NUDT7: variants seen among roughly 807,000 people sequenced by gnomAD.
NUDT7 encodes the protein peroxisomal coenzyme A diphosphatase NUDT7.
A neutral mutation model predicts 13.1 loss-of-function variants in NUDT7; 19 were observed. The observed-to-expected ratio is 1.45, with a 90% CI of 1.01 to 2.13. NUDT7 has a LOEUF of 2.13. Among genes scored for constraint, NUDT7 ranks in the 30% most tolerant of loss-of-function variants. The pLI, the probability that NUDT7 is intolerant of heterozygous loss-of-function variation, is 0.00. For missense variants in NUDT7, 360 were observed against 291.7 expected (o/e 1.23, Z -1.71); for synonymous variants, 132 against 109.7 (o/e 1.20, Z -1.27).
chr16:77,730,924 T>A (rs548068018), intron 2 of NUDT7, among the ~76,000 whole-genome samples: 1 of 146,550 alleles, frequency 6.8e-6, no homozygotes, highest in Admixed American at 6.9e-5. Flanking sequence ...TGTCCATTTT[T>A]AAATTTTTTT....
chr16:77,739,934 G>A (rs1049793001), intron 3 of NUDT7, among the ~76,000 whole-genome samples: 7 of 152,012 alleles, frequency 4.6e-5, no homozygotes, highest in Non-Finnish European at 1.0e-4. Context: ...AACACCCCAT[G>A]GTGCCCTTGC....
At chr16:77,737,076 G>T (rs775213044) in intron 3 of NUDT7, among the ~76,000 whole-genome samples, 1 of 152,080 alleles carries the variant, frequency 6.6e-6, no homozygotes, top group Non-Finnish European at 1.5e-5. Flanking sequence ...CATAGACCTA[G>T]TTTCCCCTGT....
chr16:77,742,239 TAAAG>T lies in NUDT7; in HGVS notation c.*291_*294del, dbSNP rs966150763. 7.0e-6 allele frequency: 5 copies of T among 711,058 alleles called. No individual in the cohort carries two copies. In the African/African-American group the frequency reaches 9.3e-5, roughly 13 times the overall value. The allele number at this position is 711,058 out of a possible 1,614,324, so 44.0% of individuals were successfully genotyped here. A position where few individuals can be genotyped will look rare whatever the true frequency, so the allele number is the denominator to read the frequency against. On this transcript the variant is annotated 3_prime_UTR_variant, in exon 4 of 4. Coordinates refer to ENST00000268533, the MANE Select transcript of NUDT7 (RefSeq NM_001105663.3). Reference sequence around the variant, plus strand: ...TATCTGGCACATACTAGGCCCTTAATAAAGATTTTTTGAATATATAACCATGTGG... The same window carrying T: ...TATCTGGCACATACTAGGCCCTTAATATTTTTTGAATATATAACCATGTGG...
At chr16:77,734,084 A>G (rs2014401556) in intron 2 of NUDT7, among the ~76,000 whole-genome samples, 1 of 152,000 alleles carries the variant, frequency 6.6e-6, no homozygotes, top group Non-Finnish European at 1.5e-5. Context: ...GAAAGAGGAG[A>G]CCTCTTTTCC....
chr16:77,727,612 T>C (rs978992909), intron 2 of NUDT7, among the ~76,000 whole-genome samples: 1 of 152,204 alleles, frequency 6.6e-6, no homozygotes, highest in Admixed American at 6.5e-5. Flanking sequence ...CCCAGCACTT[T>C]GGGAGGCTGA....
chr16:77,740,103 G>T (rs2014611619), intron 3 of NUDT7, among the ~76,000 whole-genome samples: 1 of 152,110 alleles, frequency 6.6e-6, no homozygotes, highest in African/African-American at 2.4e-5. Flanking sequence ...GCCAGGTGTG[G>T]TGTTACGTGC....
At chr16:77,741,460 C>A in intron 3 of NUDT7, 122 bp from the exon 4 acceptor site, 1 of 1,022,498 alleles carries the variant, frequency 9.8e-7, no homozygotes, top group Non-Finnish European at 1.4e-6. Flanking sequence ...CCGGAATAAG[C>A]TTTCTTCCCC....
Position 77,735,818 on chromosome 16 carries a change from C to T in NUDT7, c.190-10C>T. ...ATCCCACATTGTAGCGCTGTTCTTT[C>T]TATATCCAGCTAAGAAGGGCCCCTG... On this transcript the variant is annotated splice_polypyrimidine_tract_variant and intron_variant, in intron 2 of 3. Transcript: ENST00000268533. 1 of 1,611,376 alleles carries T rather than the reference C, an allele frequency of 6.2e-7. No homozygotes were observed. Among genetic ancestry groups the T allele is most frequent in the East Asian group, 2.2e-5 (1 of 44,804 alleles).
chr16:77,732,829 T>A (rs1202114152), intron 2 of NUDT7, among the ~76,000 whole-genome samples: 1 of 151,062 alleles, frequency 6.6e-6, no homozygotes, highest in Non-Finnish European at 1.5e-5. Context: ...TCAGGTCTGT[T>A]TCTGTCAAGC....
At chr16:77,723,274 C>T (rs1428052478) in intron 1 of NUDT7, among the ~76,000 whole-genome samples, 4 of 152,154 alleles carry the variant, frequency 2.6e-5, no homozygotes, top group Non-Finnish European at 1.5e-5. Context: ...GGCTGGCCTG[C>T]GTGCATCCAG....
intron 3 of NUDT7, among the ~76,000 whole-genome samples, chr16:77,737,754 G>A (rs76425982): frequency 0.015 from 2,337 of 152,242 alleles, 57 homozygotes; most frequent in African/African-American, 0.053. Context: ...CAAAGTGCTC[G>A]GACTATAGAC....
Position 77,742,164 on chromosome 16 carries a change from T to A in NUDT7, c.*214T>A, listed in dbSNP as rs925870606. ...AAACTATGTTCATAGTGTTGCATAT[T>A]TTCACCCACAATATGTTAATAATAT... On this transcript the variant is annotated 3_prime_UTR_variant, in exon 4 of 4. Transcript: ENST00000268533. 6.8e-6 allele frequency: 8 copies of A among 1,169,432 alleles called. No individual in the cohort carries two copies. In the East Asian group the frequency reaches 1.8e-4, roughly 26 times the overall value. 72.4% of individuals were successfully genotyped at this position (1,169,432 alleles called of 1,614,324 possible). A position where few individuals can be genotyped will look rare whatever the true frequency, so the allele number is the denominator to read the frequency against.
At position 77,722,543 on chromosome 16, in the gene NUDT7, C is replaced by T. The variant is rs947873302; in HGVS notation, c.-40C>T. On this transcript the variant is annotated 5_prime_UTR_variant, in exon 1 of 4. Transcript: ENST00000268533. The stretch of plus-strand genomic sequence containing the variant: ...TGCGCAAGCGCGACCGACCGAGCAG[C>T]TCCGAGGAGTCCGCCCGGAAACAAA... The T allele has an allele frequency of 4.5e-6, 7 of 1,559,260 alleles. No individual in the cohort carries two copies. The highest frequency in any genetic ancestry group is 1.7e-4 in the Middle Eastern group (1 of 5,766).
chr16:77,731,165 A>G (rs1567428945), intron 2 of NUDT7, among the ~76,000 whole-genome samples: 1 of 152,120 alleles, frequency 6.6e-6, no homozygotes, highest in African/African-American at 2.4e-5. Context: ...GCTCAAGGAT[A>G]ACATTTTCTT....
chr16:77,741,855 C>A lies in NUDT7; in HGVS notation c.622C>A (p.Pro208Thr), dbSNP rs775394080. Residue 208 changes from proline to threonine, a missense_variant, in exon 4 of 4, where the codon CCC (proline) becomes ACC (threonine). Transcript: ENST00000268533. The part of the protein sequence containing the change: ...LVAFIILEKK[P>T]TFEVQFNLND... ...GGCCTTTATCATTTTGGAAAAAAAA[C>A]CCACCTTTGAGGTTCAATTTAATCT... The A allele has an allele frequency of 1.2e-6, 2 of 1,613,744 alleles. No individual in the cohort carries two copies. The highest frequency in any genetic ancestry group is 2.7e-5 in the African/African-American group (2 of 74,890).
At chr16:77,722,741 C>G (rs2013998452) in intron 1 of NUDT7, 124 bp downstream of exon 1, 1 of 899,282 alleles carries the variant, frequency 1.1e-6, no homozygotes, top group South Asian at 1.5e-5. Context: ...CCTGCGAGCG[C>G]CGGATGGGGG....
chr16:77,726,687 C>G (rs900189700), intron 2 of NUDT7, among the ~76,000 whole-genome samples: 9 of 152,124 alleles, frequency 5.9e-5, no homozygotes, highest in Admixed American at 3.3e-4. Flanking sequence ...ATCCCAGCTA[C>G]TCAGGAGGCT....
At chr16:77,739,629 A>C (rs1358364075) in intron 3 of NUDT7, among the ~76,000 whole-genome samples, 1 of 151,756 alleles carries the variant, frequency 6.6e-6, no homozygotes, top group Non-Finnish European at 1.5e-5. Context: ...GCATGCCCTA[A>C]CCTCCTGGGA....
Position 77,725,517 on chromosome 16 carries a change from C to T in NUDT7, c.122C>T (p.Ser41Phe), listed in dbSNP as rs1347884571. The change falls in exon 2 of 4, where the codon TCC becomes TTC. Residue 41 changes from serine (S) to phenylalanine (F), a missense_variant. Ser to Phe is a radical substitution (Grantham distance 155). Coordinates refer to ENST00000268533, the MANE Select transcript of NUDT7 (RefSeq NM_001105663.3). ...TCTCACTTGCCATATAACAAATACT[C>T]CGTCCTTTTGCCATTGGTGGCTAAA... Reference protein sequence around the residue: ...KYSHLPYNKYSVLLPLVAKEG... With the variant: ...KYSHLPYNKYFVLLPLVAKEG... The T allele has an allele frequency of 1.2e-6, 2 of 1,614,018 alleles. No individual in the cohort carries two copies. The highest frequency in any genetic ancestry group is 1.1e-5 in the South Asian group (1 of 91,068).
Sources: allele counts gnomAD v4.1 joint callset (sites outside exome capture counted in the v4.1 genomes callset), GRCh38; gene constraint gnomAD v4.1.1; transcripts MANE v1.5; gene names NCBI Gene and HGNC (gene_info 2026-07-23, HGNC 2026-07-21).